SPRY3: variants seen among roughly 807,000 people sequenced by gnomAD.
The protein encoded by SPRY3 is sprouty RTK signaling antagonist 3.
A neutral mutation model predicts 20.2 loss-of-function variants in SPRY3; 15 were observed. That is an observed-to-expected ratio of 0.74 (90% confidence interval 0.50 to 1.14). The LOEUF (loss-of-function observed/expected upper bound fraction) is 1.14. Ranked by LOEUF, SPRY3 falls within the 50% of genes most tolerant of loss-of-function variation. The pLI is 0.00. For synonymous variants in SPRY3, 143 were observed against 136.5 expected (o/e 1.05, Z -0.33); for missense variants, 364 against 363.9 (o/e 1.00, Z 0.00).
chrX:155,637,597 T>C (rs2067927855), intron 1 of SPRY3, among the ~76,000 whole-genome samples: 1 of 111,211 alleles, frequency 9.0e-6, no homozygotes. Flanking sequence ...CCTCCTCAAG[T>C]GCACTCAGAT....
rs148984489 is a variant in SPRY3, at chrX:155,690,655, T to C, written c.-282+33630T>C. ...CAAGAAGACCTAACTCTCCTAAATA[T>C]ATATTCACCCAATACAGGAGCACCC... On this transcript the variant is annotated intron_variant, in intron 2 of 3. Coordinates refer to ENST00000675360, the Ensembl canonical transcript of SPRY3. Among the ~76,000 whole-genome samples the C allele has an allele frequency of 1.0e-3, 88 of 87,243 alleles. 9 individuals carry two copies. In the East Asian group the frequency reaches 0.029, roughly 29 times the overall value. 75.8% of individuals were successfully genotyped at this position (87,243 alleles called of 115,157 possible). A position where few individuals can be genotyped will look rare whatever the true frequency, so the allele number is the denominator to read the frequency against.
At chrX:155,651,277 T>C (rs926510216) in intron 1 of SPRY3, among the ~76,000 whole-genome samples, 9 of 110,285 alleles carry the variant, frequency 8.2e-5, no homozygotes, top group Non-Finnish European at 1.5e-4. Context: ...CAGGCTGGTC[T>C]TAAACTCTTG....
intron 2 of SPRY3, among the ~76,000 whole-genome samples, chrX:155,661,866 T>C: frequency 8.9e-6 from 1 of 112,198 alleles, no homozygotes; most frequent in Admixed American, 9.4e-5. Context: ...CTCCAATGAA[T>C]TTTTCATTTC....
At chrX:155,751,975 A>AAATAAAAT in intron 2 of SPRY3, among the ~76,000 whole-genome samples, 1 of 149,854 alleles carries the variant, frequency 6.7e-6, no homozygotes, top group Non-Finnish European at 1.5e-5. Flanking sequence ...AAATAAAATA[A>AAATAAAAT]AATAAAATAA....
intron 2 of SPRY3, among the ~76,000 whole-genome samples, chrX:155,764,310 A>G (rs1405308643): frequency 3.3e-5 from 5 of 152,186 alleles, no homozygotes; most frequent in South Asian, 2.1e-4. Flanking sequence ...AGCTAAGAAA[A>G]CAAATTTTCT....
intron 1 of SPRY3, among the ~76,000 whole-genome samples, chrX:155,642,471 A>G (rs1258802576): frequency 9.0e-6 from 1 of 110,618 alleles, no homozygotes; most frequent in Non-Finnish European, 1.9e-5. Flanking sequence ...TTCATTTCAA[A>G]TTTGTTTCTT....
At chrX:155,757,010 C>G (rs1311699561) in intron 2 of SPRY3, among the ~76,000 whole-genome samples, 1 of 152,124 alleles carries the variant, frequency 6.6e-6, no homozygotes, top group South Asian at 2.1e-4. Flanking sequence ...AACATAAACC[C>G]CTCTTCTGAA....
In SPRY3 at chrX:155,691,628, T is replaced by A. The variant is rs905689943; in HGVS notation, c.-282+34603T>A. Among the ~76,000 whole-genome samples, 6 of 87,853 alleles carry A rather than the reference T, an allele frequency of 6.8e-5. 1 individual carries two copies. In the East Asian group the frequency reaches 1.3e-3, roughly 20 times the overall value. 76.3% of individuals were successfully genotyped at this position (87,853 alleles called of 115,157 possible). A position where few individuals can be genotyped will look rare whatever the true frequency, so the allele number is the denominator to read the frequency against. The stretch of plus-strand genomic sequence containing the variant: ...AAGAGTGCTGGCAGTGAGCTGCACT[T>A]TTTTTTCTAAATGGAAAAAGGATTA... On this transcript the variant is annotated intron_variant, in intron 2 of 3. Coordinates refer to ENST00000675360, the Ensembl canonical transcript of SPRY3.
Position 155,766,045 on chromosome X carries a change from A to G in SPRY3, c.-281-1917A>G, listed in dbSNP as rs905710162. The stretch of plus-strand genomic sequence containing the variant: ...AGTGTAGATGAACCTACAGTGAATC[A>G]CAAAAGAGAATTTACAGGAGATTTC... On this transcript the variant is annotated intron_variant, in intron 2 of 3. Coordinates refer to ENST00000675360, the Ensembl canonical transcript of SPRY3. Among the ~76,000 whole-genome samples the G allele has an allele frequency of 5.5e-4, 83 of 152,060 alleles. 1 individual carries two copies. Among genetic ancestry groups the G allele is most frequent in the Non-Finnish European group, 1.8e-4 (12 of 67,980 alleles).
intron 2 of SPRY3, among the ~76,000 whole-genome samples, chrX:155,687,999 GC>G (rs1269725793): frequency 9.1e-6 from 1 of 110,091 alleles, no homozygotes. Context: ...GAGGTATTAA[GC>G]ATAGCATCCA....
chrX:155,745,849 G>C (rs1363738332), intron 2 of SPRY3, among the ~76,000 whole-genome samples: 2 of 151,974 alleles, frequency 1.3e-5, no homozygotes, highest in Non-Finnish European at 1.5e-5. Flanking sequence ...GAAACACTGG[G>C]TAGGAGCTTG....
At chrX:155,703,004 G>T (rs1433641548) in intron 2 of SPRY3, among the ~76,000 whole-genome samples, 1 of 105,290 alleles carries the variant, frequency 9.5e-6, no homozygotes, top group Non-Finnish European at 1.9e-5. Context: ...ATGTGCTGCT[G>T]GATTCGGTTT....
chrX:155,726,577 C>T (rs1228927671), intron 2 of SPRY3, among the ~76,000 whole-genome samples: 1 of 152,020 alleles, frequency 6.6e-6, no homozygotes, highest in Non-Finnish European at 1.5e-5. Flanking sequence ...TATGTAATGG[C>T]CTTCTTTTTC....
intron 2 of SPRY3, among the ~76,000 whole-genome samples, chrX:155,759,336 A>C: frequency 6.6e-6 from 1 of 152,146 alleles, no homozygotes; most frequent in East Asian, 1.9e-4. Flanking sequence ...ATTTATATTT[A>C]AATATCACTT....
At chrX:155,734,314 G>T in intron 2 of SPRY3, among the ~76,000 whole-genome samples, 1 of 152,050 alleles carries the variant, frequency 6.6e-6, no homozygotes, top group East Asian at 1.9e-4. Flanking sequence ...GGAATAGGGA[G>T]CCCTGAGGAG....
At chrX:155,754,681 A>G (rs1381410057) in intron 2 of SPRY3, among the ~76,000 whole-genome samples, 1 of 151,968 alleles carries the variant, frequency 6.6e-6, no homozygotes, top group Non-Finnish European at 1.5e-5. Context: ...CACTTTGGAG[A>G]GTATTTCTAT....
chrX:155,752,387 A>G (rs867264364), intron 2 of SPRY3, among the ~76,000 whole-genome samples: 1 of 151,776 alleles, frequency 6.6e-6, no homozygotes, highest in Non-Finnish European at 1.5e-5. Context: ...AATGGAAAAC[A>G]TGATCGATGA....
chrX:155,758,108 A>T (rs2091290223), intron 2 of SPRY3, among the ~76,000 whole-genome samples: 1 of 152,196 alleles, frequency 6.6e-6, no homozygotes, highest in South Asian at 2.1e-4. Context: ...GTTTTAGCAG[A>T]CTGTGAGTAA....
chrX:155,714,481 G>A (rs1201681635), intron 2 of SPRY3, among the ~76,000 whole-genome samples: 1 of 152,170 alleles, frequency 6.6e-6, no homozygotes, highest in Admixed American at 6.5e-5. Flanking sequence ...ACCAGGCAGA[G>A]ACTCATTCTT....
Sources: gnomAD v4.1 joint callset for allele counts (sites outside exome capture counted in the v4.1 genomes callset) on GRCh38, gnomAD v4.1.1 for gene constraint, MANE v1.5 for transcripts, NCBI Gene and HGNC (gene_info 2026-07-23, HGNC 2026-07-21) for gene names.